Variants in PHAF1 observed in about 807,000 individuals in gnomAD.
PHAF1 encodes phagosome assembly factor 1.
PHAF1 carries 23 observed loss-of-function variants against 63.1 expected under a neutral mutation model. The observed-to-expected ratio is 0.36, with a 90% CI of 0.26 to 0.52. The LOEUF (loss-of-function observed/expected upper bound fraction) is 0.52. Ranked by LOEUF, PHAF1 falls within the 20% of genes least tolerant of loss-of-function variation. PHAF1 has a pLI of 0.93. For synonymous variants in PHAF1, 167 were observed against 185.0 expected (o/e 0.90, Z 0.79); for missense variants, 427 against 517.2 (o/e 0.83, Z 1.69).
At chr16:67,132,727 G>C in intron 5 of PHAF1, 90 bp from the exon 6 acceptor site, 1 of 1,269,438 alleles carries the variant, frequency 7.9e-7, no homozygotes, top group Non-Finnish European at 1.2e-6. Context: ...GGAAGGTGTT[G>C]TCAGTCATTA....
rs1456380961 is a variant in PHAF1, at chr16:67,131,327, T to C, written c.273T>C (p.Tyr91=). Reference sequence around the variant, plus strand: ...ATTTGACTAAAGTAAAGTTAAAATATTGGTAAGTTTTCTCCCCTGCTGGTA... The same window carrying C: ...ATTTGACTAAAGTAAAGTTAAAATACTGGTAAGTTTTCTCCCCTGCTGGTA... ...VCDLTKVKLK[Y]CGVHFNSQAI... Residue 91 remains tyrosine (Y), a splice_region_variant and synonymous_variant, in exon 4 of 16, where the codon TAT becomes TAC. Transcript: ENST00000219139. 8.8e-6 allele frequency: 14 copies of C among 1,592,544 alleles called. No individual in the cohort carries two copies. Among genetic ancestry groups the C allele is most frequent in the African/African-American group, 2.7e-5 (2 of 74,202 alleles).
chr16:67,110,369 C>G, intron 1 of PHAF1, 130 bp downstream of exon 1: 1 of 1,046,396 alleles, frequency 9.6e-7, no homozygotes, highest in Non-Finnish European at 1.4e-6. Context: ...TCTCGGCTCG[C>G]TGGGCTCCAG....
In PHAF1 at chr16:67,147,973, G is replaced by T. The variant is rs1382864344; in HGVS notation, c.*842G>T. The T allele has an allele frequency of 6.5e-6, 1 of 152,738 alleles. No individual in the cohort carries two copies. The highest frequency in any genetic ancestry group is 1.5e-5 in the Non-Finnish European group (1 of 68,086). The allele number at this position is 152,738 out of a possible 1,614,324, so 9.5% of individuals were successfully genotyped here. A position where few individuals can be genotyped will look rare whatever the true frequency, so the allele number is the denominator to read the frequency against. ...CTGGCCCCTGGCTGGGCCATTTCAT[G>T]GCTCAAAGCCTCTGGGGGCTCAAGG... On this transcript the variant is annotated 3_prime_UTR_variant, in exon 16 of 16. Coordinates refer to ENST00000219139, the MANE Select transcript of PHAF1 (RefSeq NM_025187.5).
At chr16:67,137,222 C>T (rs1384911395) in intron 8 of PHAF1, among the ~76,000 whole-genome samples, 2 of 151,984 alleles carry the variant, frequency 1.3e-5, no homozygotes, top group Non-Finnish European at 2.9e-5. Context: ...AGACAGTTCA[C>T]AACCTTCACG....
Position 67,109,978 on chromosome 16 carries a change from C to T in PHAF1, c.-198C>T. ...GCCGCCGTCGTTGCCCCCGCTGCCG[C>T]GGCTGCTGCAGGTGAGGTGAAGTGA... On this transcript the variant is annotated 5_prime_UTR_variant, in exon 1 of 16. Coordinates refer to ENST00000219139, the MANE Select transcript of PHAF1 (RefSeq NM_025187.5). The T allele has an allele frequency of 1.3e-5, 7 of 535,224 alleles. No individual in the cohort carries two copies. The highest frequency in any genetic ancestry group is 7.5e-5 in the South Asian group (3 of 39,976). 33.2% of individuals were successfully genotyped at this position (535,224 alleles called of 1,614,324 possible).
At position 67,134,352 on chromosome 16, in the gene PHAF1, C is replaced by T. The variant is rs1302071164; in HGVS notation, c.549-3C>T. On this transcript the variant is annotated splice_polypyrimidine_tract_variant and splice_region_variant and intron_variant, in intron 7 of 15. Coordinates refer to ENST00000219139, the MANE Select transcript of PHAF1 (RefSeq NM_025187.5). ...CCTCTGCTCATTCTGTGTCTGTCCC[C>T]AGGGCTCCCATGATGCCTCTGAGCT... 1 of 1,612,542 alleles carries T rather than the reference C, an allele frequency of 6.2e-7. No individual in the cohort carries two copies. The highest frequency in any genetic ancestry group is 8.5e-7 in the Non-Finnish European group (1 of 1,178,534).
chr16:67,119,156 C>T (rs951098569), intron 1 of PHAF1, among the ~76,000 whole-genome samples: 4 of 152,068 alleles, frequency 2.6e-5, no homozygotes, highest in African/African-American at 9.7e-5. Context: ...GAGACAGGTG[C>T]CAGAAAGGAA....
chr16:67,121,482 G>A (rs534215788), intron 2 of PHAF1, among the ~76,000 whole-genome samples: 3 of 146,108 alleles, frequency 2.1e-5, no homozygotes, highest in African/African-American at 5.1e-5. Flanking sequence ...GATTACAAGC[G>A]TGAGCCACCG....
At chr16:67,133,432 A>G (rs1963481716) in intron 6 of PHAF1, among the ~76,000 whole-genome samples, 1 of 144,780 alleles carries the variant, frequency 6.9e-6, no homozygotes, top group African/African-American at 2.6e-5. Context: ...AGGCGGGCGG[A>G]TGACTTGAGG....
chr16:67,124,581 C>CTA (rs1189589366), intron 2 of PHAF1, among the ~76,000 whole-genome samples: 1 of 152,152 alleles, frequency 6.6e-6, no homozygotes, highest in Non-Finnish European at 1.5e-5. Context: ...TTGAGAAGCT[C>CTA]TATAAAGAAA....
At chr16:67,134,523 T>C (rs1038722379) in intron 8 of PHAF1, 56 bp downstream of exon 8, 6 of 1,414,352 alleles carry the variant, frequency 4.2e-6, no homozygotes, top group African/African-American at 1.4e-5. Flanking sequence ...GTTGAGACAG[T>C]CTAAAATCCC....
At position 67,125,947 on chromosome 16, in the gene PHAF1, T is replaced by G. The variant is rs769680380; in HGVS notation, c.148-12T>G. The G allele has an allele frequency of 1.3e-6, 2 of 1,591,828 alleles. No individual in the cohort carries two copies. The highest frequency in any genetic ancestry group is 1.7e-6 in the Non-Finnish European group (2 of 1,163,120). On this transcript the variant is annotated splice_polypyrimidine_tract_variant and intron_variant, in intron 2 of 15. Transcript: ENST00000219139. ...TCAGTTACTCAGAATGTATTTTATT[T>G]TTGTTTTGTAGTCTCCTCTAAGCCA...
At chr16:67,110,970 C>T (rs1962489632) in intron 1 of PHAF1, among the ~76,000 whole-genome samples, 1 of 152,140 alleles carries the variant, frequency 6.6e-6, no homozygotes, top group African/African-American at 2.4e-5. Context: ...CGCCACCACA[C>T]CCGGCTAATT....
At chr16:67,124,719 C>T (rs914886540) in intron 2 of PHAF1, among the ~76,000 whole-genome samples, 3 of 151,958 alleles carry the variant, frequency 2.0e-5, no homozygotes, top group East Asian at 1.9e-4. Flanking sequence ...CTGGCTAACA[C>T]GGTGAAACCC....
intron 2 of PHAF1, among the ~76,000 whole-genome samples, chr16:67,120,682 C>T (rs1382470004): frequency 6.6e-6 from 1 of 151,588 alleles, no homozygotes; most frequent in Non-Finnish European, 1.5e-5. Flanking sequence ...CCACTGAATT[C>T]TCTGAAACCT....
At chr16:67,142,741 G>GCTGCAGCTACACCCAGGAGC (rs1963858975) in intron 10 of PHAF1, among the ~76,000 whole-genome samples, 1 of 152,226 alleles carries the variant, frequency 6.6e-6, no homozygotes, top group Admixed American at 6.5e-5. Flanking sequence ...CAGCTGGGAG[G>GCTGCAGCTACACCCAGGAGC]CTGCAGCTAC....
At position 67,145,595 on chromosome 16, in the gene PHAF1, G is replaced by A. The variant is rs764985387; in HGVS notation, c.1076G>A (p.Gly359Asp). ...TGGGACAACATCCAGGAGCTCCTGG[G>A]CCACCCTGTGGAGAAGCCTGTTGTC... ...SKWDNIQELL[G>D]HPVEKPVVLH... is the part of the protein sequence containing the mutation. Residue 359 changes from glycine to aspartate, a missense_variant, in exon 14 of 16, where the codon GGC becomes GAC. Gly to Asp is a moderately conservative substitution (Grantham distance 94). Transcript: ENST00000219139. 1.9e-6 allele frequency: 3 copies of A among 1,614,034 alleles called. No homozygotes were observed. The highest frequency in any genetic ancestry group is 2.5e-6 in the Non-Finnish European group (3 of 1,179,970).
intron 12 of PHAF1, 135 bp from the exon 13 acceptor site, chr16:67,145,241 C>A: frequency 9.9e-7 from 1 of 1,013,382 alleles, no homozygotes; most frequent in Non-Finnish European, 1.5e-6. Flanking sequence ...CCTGGAACTC[C>A]AAAACAGCCT....
At chr16:67,136,196 CA>C (rs1324772556) in intron 8 of PHAF1, 1 of 152,150 alleles carries the variant, frequency 6.6e-6, no homozygotes, top group East Asian at 1.9e-4. Context: ...CCCAGCTACT[CA>C]GGAGGCTGAG....
Sources: gnomAD v4.1 joint callset for allele counts (sites outside exome capture counted in the v4.1 genomes callset) on GRCh38, gnomAD v4.1.1 for gene constraint, MANE v1.5 for transcripts, NCBI Gene and HGNC (gene_info 2026-07-23, HGNC 2026-07-21) for gene names.